GAS7: variants seen among roughly 807,000 people sequenced by gnomAD.
The protein encoded by GAS7 is growth arrest-specific protein 7.
In GAS7, 28 loss-of-function variants were observed where a neutral mutation model predicts 71.1. That is an observed-to-expected ratio of 0.39 (90% CI 0.29 to 0.54). The LOEUF is 0.54. GAS7 is among the 20% of genes least tolerant of loss of function. The pLI is 0.62. For synonymous variants in GAS7, 258 were observed against 245.8 expected (o/e 1.05, Z -0.46); for missense variants, 436 against 627.8 (o/e 0.69, Z 3.27).
intron 2 of GAS7, among the ~76,000 whole-genome samples, chr17:10,005,244 T>C (rs2071469614): frequency 7.0e-6 from 1 of 142,110 alleles, no homozygotes; most frequent in East Asian, 2.1e-4. Flanking sequence ...TGTGCGCGCA[T>C]GCATGTGTGT....
chr17:9,969,407 G>A lies in GAS7; in HGVS notation c.471+270C>T, dbSNP rs1279666836. On this transcript the variant is annotated intron_variant, in intron 4 of 13. Transcript: ENST00000432992. The surrounding 1 kb of genome is among the most constrained non-coding windows in gnomAD (Gnocchi z 5.5). ...TCAGGTATCAGGAATCCAGACCAGAGAATGGAACTCTCTGTCCTAATGGTT... is the reference window on the plus strand; with the variant it reads ...TCAGGTATCAGGAATCCAGACCAGAAAATGGAACTCTCTGTCCTAATGGTT... Among the ~76,000 whole-genome samples the A allele has an allele frequency of 6.6e-6, 1 of 152,154 alleles. No homozygotes were observed. The highest frequency in any genetic ancestry group is 1.5e-5 in the Non-Finnish European group (1 of 68,032).
intron 1 of GAS7, among the ~76,000 whole-genome samples, chr17:10,187,843 C>A (rs987739802): frequency 1.6e-4 from 24 of 152,230 alleles, no homozygotes; most frequent in African/African-American, 5.8e-4. Flanking sequence ...ATGTTTGGTA[C>A]ACACAGTTCC....
chr17:10,008,499 T>C (rs2071626437), intron 2 of GAS7, among the ~76,000 whole-genome samples: 1 of 152,232 alleles, frequency 6.6e-6, no homozygotes, highest in African/African-American at 2.4e-5. Context: ...TTCAACTTCA[T>C]ACTAGCAGTG....
intron 1 of GAS7, among the ~76,000 whole-genome samples, chr17:10,094,979 C>T (rs2073625751): frequency 6.6e-6 from 1 of 152,200 alleles, no homozygotes; most frequent in African/African-American, 2.4e-5. Flanking sequence ...CCTCAGCACT[C>T]AACTGGATGG....
At chr17:9,965,028 T>C (rs1358965356) in intron 4 of GAS7, among the ~76,000 whole-genome samples, 1 of 152,026 alleles carries the variant, frequency 6.6e-6, no homozygotes, top group African/African-American at 2.4e-5. Flanking sequence ...GCCAGAACAA[T>C]TGAAAGGTGG....
At position 10,115,042 on chromosome 17, in the gene GAS7, G is replaced by T. The variant is rs371116274; in HGVS notation, c.183+83166C>A. On this transcript the variant is annotated intron_variant, in intron 1 of 13. Coordinates refer to ENST00000432992, the MANE Select transcript of GAS7 (RefSeq NM_201433.2). Reference sequence around the variant, plus strand: ...CTCTGTCTGTCTGTCTGTCTGGCTGGCTGGCTGGCTGCCTCTCTGTGCCAG... The same window carrying T: ...CTCTGTCTGTCTGTCTGTCTGGCTGTCTGGCTGGCTGCCTCTCTGTGCCAG... Among the ~76,000 whole-genome samples the T allele has an allele frequency of 1.4e-3, 206 of 152,324 alleles. 1 individual carries two copies. The highest frequency in any genetic ancestry group is 3.9e-3 in the African/African-American group (163 of 41,584).
At chr17:10,097,841 C>G (rs537256878) in intron 1 of GAS7, among the ~76,000 whole-genome samples, 1 of 152,100 alleles carries the variant, frequency 6.6e-6, no homozygotes, top group Non-Finnish European at 1.5e-5. Flanking sequence ...GTCAGGAGTT[C>G]GAGACCAGCC....
chr17:10,165,401 CATGTGCT>C (rs2074286904), intron 1 of GAS7, among the ~76,000 whole-genome samples: 1 of 151,966 alleles, frequency 6.6e-6, no homozygotes, highest in Admixed American at 6.6e-5. Context: ...GAGCCTAGCA[CATGTGCT>C]GCTATGGGAG....
At chr17:10,051,400 C>T (rs142445910) in intron 1 of GAS7, among the ~76,000 whole-genome samples, 2 of 152,260 alleles carry the variant, frequency 1.3e-5, no homozygotes, top group African/African-American at 2.4e-5. Flanking sequence ...ACGTGAATGA[C>T]GAGACTAGAA....
At chr17:9,943,304 G>A in intron 6 of GAS7, 68 bp from the exon 7 acceptor site, 3 of 915,382 alleles carry the variant, frequency 3.3e-6, no homozygotes, top group Non-Finnish European at 5.5e-6. Flanking sequence ...GAATGGCGTA[G>A]AGGGAGGACG....
chr17:10,029,862 CAATAAT>C (rs769016617), intron 1 of GAS7, among the ~76,000 whole-genome samples: 5 of 150,976 alleles, frequency 3.3e-5, no homozygotes, highest in Non-Finnish European at 5.9e-5. Context: ...AAAAAAAAAA[CAATAAT>C]AATAATAATT....
chr17:9,972,009 G>A (rs573135640), intron 3 of GAS7, among the ~76,000 whole-genome samples: 6 of 152,192 alleles, frequency 3.9e-5, no homozygotes, highest in South Asian at 2.1e-4. Flanking sequence ...GTGCCTGTGC[G>A]CAGCTGGGCT....
At chr17:10,083,584 C>T (rs930282675) in intron 1 of GAS7, among the ~76,000 whole-genome samples, 1 of 152,218 alleles carries the variant, frequency 6.6e-6, no homozygotes, top group Non-Finnish European at 1.5e-5. Flanking sequence ...TCTTGTCCCA[C>T]ATCCAAGAAG....
chr17:10,129,015 T>C (rs565113023), intron 1 of GAS7, among the ~76,000 whole-genome samples: 60 of 152,288 alleles, frequency 3.9e-4, no homozygotes, highest in South Asian at 2.1e-4. Flanking sequence ...AGCAGACATA[T>C]ATGAGAAGAC....
At chr17:10,063,311 C>T (rs537340969) in intron 1 of GAS7, among the ~76,000 whole-genome samples, 1 of 152,202 alleles carries the variant, frequency 6.6e-6, no homozygotes, top group East Asian at 1.9e-4. Context: ...TGTGTGTGTG[C>T]GTGCGCATGA....
chr17:10,100,075 A>G (rs1192101418), intron 1 of GAS7, among the ~76,000 whole-genome samples: 1 of 152,218 alleles, frequency 6.6e-6, no homozygotes, highest in African/African-American at 2.4e-5. Context: ...AGGAGTTTAA[A>G]GGCTCCGAAA....
At chr17:10,182,357 A>C (rs2074422997) in intron 1 of GAS7, among the ~76,000 whole-genome samples, 1 of 152,108 alleles carries the variant, frequency 6.6e-6, no homozygotes, top group Admixed American at 6.6e-5. Context: ...ATGGGGTTTC[A>C]CCATGTTGGC....
chr17:9,949,231 G>A (rs1304968118), intron 5 of GAS7, among the ~76,000 whole-genome samples: 2 of 152,174 alleles, frequency 1.3e-5, no homozygotes, highest in African/African-American at 4.8e-5. Context: ...CGTCCAAGGG[G>A]CAGATCCTGC....
At chr17:9,943,266 A>G (rs201615240) in intron 6 of GAS7, 30 bp from the exon 7 acceptor site, 1 of 1,292,702 alleles carries the variant, frequency 7.7e-7, no homozygotes, top group Non-Finnish European at 1.1e-6. Context: ...ACAAGAGTTT[A>G]GGGCACGTCT....
Sources: gnomAD v4.1 joint callset for allele counts (sites outside exome capture counted in the v4.1 genomes callset) on GRCh38, gnomAD v4.1.1 for gene constraint, Gnocchi (gnomAD v3.1) non-coding constraint, MANE v1.5 for transcripts, NCBI Gene and HGNC (gene_info 2026-07-23, HGNC 2026-07-21) for gene names.